Variants in ADAMTS16 observed in about 807,000 individuals in gnomAD.
ADAMTS16 encodes A disintegrin and metalloproteinase with thrombospondin motifs 16.
A neutral mutation model predicts 145.8 loss-of-function variants in ADAMTS16; 94 were observed. The ratio of observed to expected loss-of-function variants is 0.64; its 90% CI spans 0.55 to 0.77. ADAMTS16 has a LOEUF of 0.77. ADAMTS16 is among the 30% of genes least tolerant of loss of function. The pLI is 0.00. For missense variants in ADAMTS16, 1,585 were observed against 1,591.5 expected (o/e 1.00, Z 0.07); for synonymous variants, 659 against 604.3 (o/e 1.09, Z -1.33).
intron 3 of ADAMTS16, among the ~76,000 whole-genome samples, chr5:5,170,732 T>G (rs1735021677): frequency 6.6e-6 from 1 of 152,122 alleles, no homozygotes; most frequent in Non-Finnish European, 1.5e-5. Context: ...TGTAGAGTTG[T>G]TTGAGCTCCT....
intron 17 of ADAMTS16, among the ~76,000 whole-genome samples, chr5:5,262,414 G>A (rs11747085): frequency 2.3e-3 from 355 of 152,334 alleles, no homozygotes; most frequent in Non-Finnish European, 3.7e-3. Flanking sequence ...TGACTTTAAA[G>A]ATGTTAATAT....
intron 20 of ADAMTS16, among the ~76,000 whole-genome samples, chr5:5,304,804 G>T (rs76851197): frequency 1.3e-5 from 2 of 152,026 alleles, no homozygotes; most frequent in South Asian, 4.1e-4. Flanking sequence ...GTGTCCCACA[G>T]AACTGAACGC....
At chr5:5,145,423 A>C (rs1177653213) in intron 2 of ADAMTS16, among the ~76,000 whole-genome samples, 1 of 152,202 alleles carries the variant, frequency 6.6e-6, no homozygotes, top group Non-Finnish European at 1.5e-5. Flanking sequence ...CTGTGCACTG[A>C]ATATTCAGTG....
Position 5,146,442 on chromosome 5 carries a change from C to G in ADAMTS16, c.488C>G (p.Thr163Ser). 1 of 1,607,944 alleles carries G rather than the reference C, an allele frequency of 6.2e-7. No homozygotes were observed. Among genetic ancestry groups the G allele is most frequent in the Non-Finnish European group, 8.5e-7 (1 of 1,179,250 alleles). The part of the protein sequence containing the change: ...SHRNSSVALS[T>S]CQGLSGMIRT... ...AGAAACTCCTCAGTGGCCCTTTCAA[C>G]CTGCCAAGGCTTGGTGAGTACAGCG... The change falls in exon 3 of 23, where the codon ACC becomes AGC. Residue 163 changes from threonine (T) to serine (S), a missense_variant. Transcript: ENST00000274181.
At chr5:5,273,670 C>A (rs541398566) in intron 18 of ADAMTS16, among the ~76,000 whole-genome samples, 8 of 152,226 alleles carry the variant, frequency 5.3e-5, no homozygotes, top group Non-Finnish European at 1.0e-4. Context: ...TGACACCTTA[C>A]TGTGTCTCCC....
At chr5:5,210,427 A>T (rs1272494969) in intron 10 of ADAMTS16, among the ~76,000 whole-genome samples, 1 of 152,216 alleles carries the variant, frequency 6.6e-6, no homozygotes, top group Non-Finnish European at 1.5e-5. Flanking sequence ...GGAGAGAAAC[A>T]CATTCATTTT....
intron 3 of ADAMTS16, among the ~76,000 whole-genome samples, chr5:5,162,190 T>C (rs547395799): frequency 7.4e-4 from 113 of 152,342 alleles, no homozygotes; most frequent in African/African-American, 2.6e-3. Context: ...TAATTGATAT[T>C]GAAACAAGCA....
At chr5:5,288,031 A>AGTG (rs1223883485) in intron 18 of ADAMTS16, among the ~76,000 whole-genome samples, 54 of 152,314 alleles carry the variant, frequency 3.5e-4, no homozygotes, top group African/African-American at 1.3e-3. Flanking sequence ...AACATCCAAG[A>AGTG]AACCCTGACG....
At chr5:5,264,359 A>G (rs1738152920) in intron 18 of ADAMTS16, among the ~76,000 whole-genome samples, 1 of 152,122 alleles carries the variant, frequency 6.6e-6, no homozygotes, top group South Asian at 2.1e-4. Flanking sequence ...TTCTAACTCC[A>G]ACTAGATCTT....
Position 5,182,090 on chromosome 5 carries a change from T to C in ADAMTS16, c.548T>C (p.Leu183Pro). The C allele has an allele frequency of 6.2e-7, 1 of 1,613,940 alleles. No homozygotes were observed. The part of the protein sequence containing the change: ...TEEADYFLRP[L>P]PSHLSWKLGR... Reference sequence around the variant, plus strand: ...GAGGCAGATTACTTCCTAAGGCCACTTCCTTCACACCTCTCATGGAAACTC... The same window carrying C: ...GAGGCAGATTACTTCCTAAGGCCACCTCCTTCACACCTCTCATGGAAACTC... Residue 183 changes from leucine (L) to proline (P), a missense_variant, in exon 4 of 23, where the codon CTT becomes CCT. Physicochemically the swap from Leu to Pro is moderately conservative, Grantham distance 98. Transcript: ENST00000274181.
At chr5:5,239,477 A>G (rs1055736803) in intron 15 of ADAMTS16, among the ~76,000 whole-genome samples, 2 of 152,146 alleles carry the variant, frequency 1.3e-5, no homozygotes, top group African/African-American at 2.4e-5. Context: ...TGTTCTTAGG[A>G]AAAGTGACCA....
At chr5:5,259,801 C>A (rs1193247828) in intron 17 of ADAMTS16, among the ~76,000 whole-genome samples, 1 of 152,244 alleles carries the variant, frequency 6.6e-6, no homozygotes, top group Non-Finnish European at 1.5e-5. Context: ...TTTTACATAA[C>A]TCAGCTTTCA....
chr5:5,159,794 C>T (rs578044381), intron 3 of ADAMTS16, among the ~76,000 whole-genome samples: 148 of 152,296 alleles, frequency 9.7e-4, no homozygotes, highest in Non-Finnish European at 1.6e-3. Flanking sequence ...CCATTGCTGA[C>T]GCGCACATTT....
At chr5:5,237,352 T>G (rs1737140060) in intron 14 of ADAMTS16, among the ~76,000 whole-genome samples, 1 of 152,082 alleles carries the variant, frequency 6.6e-6, no homozygotes. Flanking sequence ...GTGGGGCTCC[T>G]AGGAGAAGGG....
At chr5:5,222,960 A>T in intron 11 of ADAMTS16, 76 bp downstream of exon 11, 2 of 1,335,166 alleles carry the variant, frequency 1.5e-6, no homozygotes, top group Non-Finnish European at 2.2e-6. Flanking sequence ...CTCCTCTTGC[A>T]TAGGTATTTT....
rs563294132 is a variant in ADAMTS16, at chr5:5,239,791, C to G, written c.2389C>G (p.Leu797Val). ...GCGCAATGCCCTCAGAAGGTACTAC[C>G]TGAATGGGCACTGGACCGTGGACTG... ...SVRNALRRYY[L>V]NGHWTVDWPG... is the part of the protein sequence containing the mutation. Residue 797 changes from leucine (L) to valine (V), a missense_variant, in exon 16 of 23, where the codon CTG becomes GTG. This residue lies in a region of ADAMTS16 where 834 missense variants were observed against 811.7 expected (regional missense o/e 1.03). Transcript: ENST00000274181. 10 of 1,614,114 alleles carry G rather than the reference C, an allele frequency of 6.2e-6. No individual in the cohort carries two copies. The East Asian group carries it at 2.0e-4, about 32-fold the overall frequency.
At chr5:5,173,873 TTTG>T (rs1246297318) in intron 3 of ADAMTS16, among the ~76,000 whole-genome samples, 1 of 152,238 alleles carries the variant, frequency 6.6e-6, no homozygotes, top group African/African-American at 2.4e-5. Flanking sequence ...ATTTTAACTT[TTTG>T]TTGTTTTTAC....
chr5:5,140,417 C>G lies in ADAMTS16; in HGVS notation c.-51C>G. 9 of 1,482,168 alleles carry G rather than the reference C, an allele frequency of 6.1e-6. No homozygotes were observed. Among genetic ancestry groups the G allele is most frequent in the Non-Finnish European group, 8.0e-6 (9 of 1,123,314 alleles). 91.8% of individuals were successfully genotyped at this position (1,482,168 alleles called of 1,614,324 possible). The stretch of plus-strand genomic sequence containing the variant: ...CGGGTCCTCCCTGCCCGCTCGCACG[C>G]TGCCGGCCGGGGACCCTCCGGTGGC... On this transcript the variant is annotated 5_prime_UTR_variant, in exon 1 of 23. Transcript: ENST00000274181.
Position 5,196,841 on chromosome 5 carries a change from G to T in ADAMTS16, c.1314-3291G>T, listed in dbSNP as rs537849999. ...CCCATTTTATATATAAAGAAACTGA[G>T]GCTGGGGGGGTCAAGTAATTTGCCC... is the stretch of plus-strand genomic sequence containing the variant. On this transcript the variant is annotated intron_variant, in intron 8 of 22. Coordinates refer to ENST00000274181, the MANE Select transcript of ADAMTS16 (RefSeq NM_139056.4). Among the ~76,000 whole-genome samples, 372 of 152,290 alleles carry T rather than the reference G, an allele frequency of 2.4e-3. 1 individual carries two copies. The highest frequency in any genetic ancestry group is 8.4e-3 in the African/African-American group (351 of 41,560).
Sources: allele counts gnomAD v4.1 joint callset (sites outside exome capture counted in the v4.1 genomes callset), GRCh38; gene constraint gnomAD v4.1.1; regional missense constraint gnomAD v4.1.1; transcripts MANE v1.5; gene names NCBI Gene and HGNC (gene_info 2026-07-23, HGNC 2026-07-21).